CFAP91: variants seen among roughly 807,000 people sequenced by gnomAD.
CFAP91 encodes cilia and flagella associated protein 91, also known as cilia- and flagella-associated protein 91.
A neutral mutation model predicts 95.9 loss-of-function variants in CFAP91; 85 were observed. The observed-to-expected ratio is 0.89, with a 90% CI of 0.74 to 1.06. CFAP91 has a LOEUF of 1.06. Ranked by LOEUF, CFAP91 falls within the 50% of genes least tolerant of loss-of-function variation. The pLI, the probability that CFAP91 is intolerant of heterozygous loss-of-function variation, is 0.00. For synonymous variants in CFAP91, 335 were observed against 327.5 expected (o/e 1.02, Z -0.25); for missense variants, 962 against 943.4 (o/e 1.02, Z -0.26).
At position 119,703,222 on chromosome 3, in the gene CFAP91, G is replaced by C. The variant is rs149348782; in HGVS notation, c.124G>C (p.Asp42His). 1.0e-4 allele frequency: 161 copies of C among 1,611,692 alleles called. No individual in the cohort carries two copies. Among genetic ancestry groups the C allele is most frequent in the Middle Eastern group, 3.3e-4 (2 of 6,008 alleles). Residue 42 changes from aspartate to histidine, a missense_variant and splice_region_variant, in exon 1 of 18, where the codon GAT becomes CAT. By Grantham distance (81) the Asp-to-His change is moderately conservative. Coordinates refer to ENST00000273390, the MANE Select transcript of CFAP91 (RefSeq NM_033364.4). ...SSNRAYDFLY[D>H]PLFIVSSEKD... ...CAATCGAGCGTATGATTTTCTGTACGGTAAGGACCGCCGCAGACCTTCCTC... is the reference window on the plus strand; with the variant it reads ...CAATCGAGCGTATGATTTTCTGTACCGTAAGGACCGCCGCAGACCTTCCTC...
intron 17 of CFAP91, among the ~76,000 whole-genome samples, chr3:119,753,887 A>G (rs1415215377): frequency 2.0e-5 from 3 of 152,240 alleles, no homozygotes; most frequent in East Asian, 3.8e-4. Context: ...AGTCTTTAAA[A>G]TAACTATGTT....
chr3:119,745,324 C>G (rs1474905770), intron 14 of CFAP91, among the ~76,000 whole-genome samples: 1 of 152,102 alleles, frequency 6.6e-6, no homozygotes, highest in Non-Finnish European at 1.5e-5. Flanking sequence ...TAATAAATTT[C>G]CAAAATATGC....
intron 6 of CFAP91, among the ~76,000 whole-genome samples, chr3:119,721,045 T>TA (rs1334695227): frequency 6.6e-6 from 1 of 152,170 alleles, no homozygotes; most frequent in East Asian, 1.9e-4. Context: ...ACTATACTAG[T>TA]AAGGAAACTT....
intron 12 of CFAP91, 92 bp from the exon 13 acceptor site, chr3:119,740,457 C>CAAGTGT: frequency 7.0e-7 from 1 of 1,431,886 alleles, no homozygotes; most frequent in Non-Finnish European, 9.6e-7. Context: ...CCACTGTTCA[C>CAAGTGT]AAGTGTCTCA....
intron 5 of CFAP91, among the ~76,000 whole-genome samples, chr3:119,714,232 G>A (rs971190614): frequency 1.3e-5 from 2 of 152,012 alleles, no homozygotes; most frequent in Non-Finnish European, 2.9e-5. Context: ...CGGGCGTGGT[G>A]GCGGGCACCT....
chr3:119,703,029 T>C lies in CFAP91; in HGVS notation c.-70T>C. 3.3e-6 allele frequency: 5 copies of C among 1,513,616 alleles called. No homozygotes were observed. The highest frequency in any genetic ancestry group is 2.7e-6 in the Non-Finnish European group (3 of 1,121,988). 93.8% of individuals were successfully genotyped at this position (1,513,616 alleles called of 1,614,324 possible). ...CCCTGCGCGCCGGCGGCCGTTACCATAGCGACGTGCACGCAGTAGCCAGGC... is the reference window on the plus strand; with the variant it reads ...CCCTGCGCGCCGGCGGCCGTTACCACAGCGACGTGCACGCAGTAGCCAGGC... On this transcript the variant is annotated 5_prime_UTR_variant, in exon 1 of 18. Transcript: ENST00000273390.
chr3:119,717,898 G>A (rs150401327), intron 6 of CFAP91, among the ~76,000 whole-genome samples: 6 of 152,220 alleles, frequency 3.9e-5, no homozygotes, highest in South Asian at 2.1e-4. Flanking sequence ...AAGCAGGCTC[G>A]GGGCCATTTG....
intron 6 of CFAP91, among the ~76,000 whole-genome samples, chr3:119,718,908 T>G (rs1457716219): frequency 7.5e-6 from 1 of 132,856 alleles, no homozygotes; most frequent in Admixed American, 7.2e-5. Flanking sequence ...TAAGTATACA[T>G]CAAAAAAAAA....
chr3:119,720,694 CTG>C (rs1365990483), intron 6 of CFAP91, among the ~76,000 whole-genome samples: 1 of 152,110 alleles, frequency 6.6e-6, no homozygotes, highest in Non-Finnish European at 1.5e-5. Flanking sequence ...AATTTGAAAA[CTG>C]AATGAGGACA....
intron 12 of CFAP91, 149 bp from the exon 13 acceptor site, chr3:119,740,400 T>A: frequency 1.2e-6 from 1 of 834,582 alleles, no homozygotes; most frequent in Non-Finnish European, 1.9e-6. Flanking sequence ...GAGCTCTAGC[T>A]CTGTGGGACA....
chr3:119,706,898 C>A lies in CFAP91; in HGVS notation c.201+13C>A, dbSNP rs752089934. The A allele has an allele frequency of 1.2e-6, 2 of 1,605,570 alleles. No homozygotes were observed. The highest frequency in any genetic ancestry group is 1.7e-4 in the Middle Eastern group (1 of 6,054). On this transcript the variant is annotated intron_variant, in intron 2 of 17. Coordinates refer to ENST00000273390, the MANE Select transcript of CFAP91 (RefSeq NM_033364.4). ...TCGCAGCAGACTGGTATGTCTAATTCATCAGCCAAGGCTACCTGATGAACC... is the reference window on the plus strand; with the variant it reads ...TCGCAGCAGACTGGTATGTCTAATTAATCAGCCAAGGCTACCTGATGAACC...
chr3:119,756,949 G>A (rs1224794397), intron 17 of CFAP91, among the ~76,000 whole-genome samples: 1 of 152,088 alleles, frequency 6.6e-6, no homozygotes, highest in Non-Finnish European at 1.5e-5. Flanking sequence ...TCCAAGTAAA[G>A]TCAGAATTTA....
intron 17 of CFAP91, among the ~76,000 whole-genome samples, chr3:119,760,450 T>A (rs139128331): frequency 2.8e-4 from 42 of 151,874 alleles, no homozygotes; most frequent in African/African-American, 9.4e-4. Flanking sequence ...GGACCTCCAG[T>A]ATCCCACTTT....
At chr3:119,757,676 A>G (rs2054459363) in intron 17 of CFAP91, among the ~76,000 whole-genome samples, 1 of 152,098 alleles carries the variant, frequency 6.6e-6, no homozygotes, top group Admixed American at 6.6e-5. Flanking sequence ...TTAAAATGGA[A>G]TATTTTAGAT....
At chr3:119,733,247 A>C in intron 9 of CFAP91, 117 bp from the exon 10 acceptor site, 1 of 952,038 alleles carries the variant, frequency 1.1e-6, no homozygotes, top group South Asian at 1.7e-5. Flanking sequence ...TATGAGATAC[A>C]CCCTCTCAAC....
At chr3:119,736,278 T>G (rs1049028330) in intron 10 of CFAP91, among the ~76,000 whole-genome samples, 1 of 143,860 alleles carries the variant, frequency 7.0e-6, no homozygotes, top group African/African-American at 2.6e-5. Context: ...GTTTTTTTTT[T>G]TTTTTTTTTT....
At chr3:119,703,285 T>C (rs760953047) in intron 1 of CFAP91, 63 bp downstream of exon 1, 49 of 1,588,204 alleles carry the variant, frequency 3.1e-5, no homozygotes, top group Non-Finnish European at 2.0e-5. Context: ...GGCTCCCAGA[T>C]GGTGGGACCT....
intron 6 of CFAP91, among the ~76,000 whole-genome samples, chr3:119,716,631 G>A (rs2053579598): frequency 1.3e-5 from 2 of 152,162 alleles, no homozygotes; most frequent in Admixed American, 1.3e-4. Context: ...CTGTCGCCCA[G>A]GCTGGAGTGC....
At chr3:119,744,408 G>A (rs1351336070) in intron 14 of CFAP91, among the ~76,000 whole-genome samples, 1 of 152,124 alleles carries the variant, frequency 6.6e-6, no homozygotes, top group African/African-American at 2.4e-5. Flanking sequence ...CACATAATAC[G>A]CACGTGTATA....
Sources: gnomAD v4.1 joint callset for allele counts (sites outside exome capture counted in the v4.1 genomes callset) on GRCh38, gnomAD v4.1.1 for gene constraint, MANE v1.5 for transcripts, NCBI Gene and HGNC (gene_info 2026-07-23, HGNC 2026-07-21) for gene names.